Variants in HPSE2 observed in about 807,000 individuals in gnomAD.
HPSE2 encodes the protein inactive heparanase-2.
HPSE2 carries 38 observed loss-of-function variants against 60.5 expected under a neutral mutation model. That is an observed-to-expected ratio of 0.63 (90% CI 0.48 to 0.82). HPSE2 has a LOEUF of 0.82. Ranked by LOEUF, HPSE2 falls within the 40% of genes least tolerant of loss-of-function variation. The pLI, the probability that HPSE2 is intolerant of heterozygous loss-of-function variation, is 0.00. For synonymous variants in HPSE2, 295 were observed against 293.2 expected (o/e 1.01, Z -0.06); for missense variants, 713 against 740.4 (o/e 0.96, Z 0.43).
intron 7 of HPSE2, among the ~76,000 whole-genome samples, chr10:98,624,738 C>T (rs1296384582): frequency 6.6e-6 from 1 of 152,094 alleles, no homozygotes; most frequent in African/African-American, 2.4e-5. Context: ...CACATGTAAG[C>T]TGGAATAATA....
At chr10:98,464,841 T>A (rs1940459395) in intron 11 of HPSE2, among the ~76,000 whole-genome samples, 1 of 152,218 alleles carries the variant, frequency 6.6e-6, no homozygotes, top group Admixed American at 6.5e-5. Context: ...CTTGTGGAGA[T>A]GTTAGATAAG....
chr10:98,708,977 T>C (rs1382389877), intron 5 of HPSE2, among the ~76,000 whole-genome samples: 2 of 152,172 alleles, frequency 1.3e-5, no homozygotes, highest in Non-Finnish European at 1.5e-5. Flanking sequence ...CCATGAACCT[T>C]CCCTGAACGT....
chr10:98,631,947 A>G (rs969099602), intron 7 of HPSE2, among the ~76,000 whole-genome samples: 24 of 152,150 alleles, frequency 1.6e-4, no homozygotes, highest in African/African-American at 5.8e-4. Flanking sequence ...TTATTAACTG[A>G]CTGTGGGGTC....
intron 2 of HPSE2, among the ~76,000 whole-genome samples, chr10:99,200,084 TTAGTG>T (rs1564889222): frequency 6.6e-6 from 1 of 152,118 alleles, no homozygotes; most frequent in Non-Finnish European, 1.5e-5. Flanking sequence ...TAGCTCAATG[TTAGTG>T]TAAAGAAATG....
intron 9 of HPSE2, among the ~76,000 whole-genome samples, chr10:98,579,074 TCAGTGGGAATCTCAGC>T (rs1944718461): frequency 7.3e-6 from 1 of 137,782 alleles, no homozygotes; most frequent in Non-Finnish European, 1.6e-5. Flanking sequence ...AGCTTATATG[TCAGTGGGAATCTCAGC>T]TGCAAAAAAT....
intron 3 of HPSE2, among the ~76,000 whole-genome samples, chr10:99,058,462 C>G (rs1206239342): frequency 3.9e-5 from 6 of 152,150 alleles, no homozygotes; most frequent in Non-Finnish European, 8.8e-5. Flanking sequence ...AAACAGGATT[C>G]CCAGCATGGT....
At chr10:98,722,712 C>T (rs543625592) in intron 4 of HPSE2, among the ~76,000 whole-genome samples, 5 of 152,202 alleles carry the variant, frequency 3.3e-5, no homozygotes, top group South Asian at 4.2e-4. Context: ...TTCCCTGAAA[C>T]GAGCAGCTCC....
intron 2 of HPSE2, among the ~76,000 whole-genome samples, chr10:99,169,717 T>C (rs1024105012): frequency 3.9e-5 from 6 of 152,060 alleles, no homozygotes; most frequent in African/African-American, 1.2e-4. Flanking sequence ...TTGACATTCT[T>C]GGCCTTACCA....
At chr10:98,615,947 T>C (rs1427395784) in intron 8 of HPSE2, among the ~76,000 whole-genome samples, 1 of 152,128 alleles carries the variant, frequency 6.6e-6, no homozygotes, top group Non-Finnish European at 1.5e-5. Context: ...CCCCATCTTC[T>C]CTCACCCTAG....
the HPSE2 span, among the ~76,000 whole-genome samples, chr10:99,285,530 AGGG>A: frequency 3.4e-5 from 1 of 29,650 alleles, no homozygotes; most frequent in Non-Finnish European, 6.1e-5. Context: ...GGGTGGAGGG[AGGG>A]AGGGGAGGAA....
chr10:98,850,995 C>T (rs72836741), intron 3 of HPSE2, among the ~76,000 whole-genome samples: 4,081 of 152,252 alleles, frequency 0.027, 87 homozygotes, highest in Middle Eastern at 0.085. Context: ...GACTCTAAAA[C>T]TTAGGATTTA....
At chr10:99,054,250 G>A (rs1958058558) in intron 3 of HPSE2, among the ~76,000 whole-genome samples, 1 of 152,188 alleles carries the variant, frequency 6.6e-6, no homozygotes, top group Non-Finnish European at 1.5e-5. Flanking sequence ...TCAGATAGCA[G>A]ATATTACAGA....
intron 9 of HPSE2, among the ~76,000 whole-genome samples, chr10:98,509,342 G>C (rs889121958): frequency 2.6e-5 from 4 of 151,410 alleles, no homozygotes; most frequent in Admixed American, 2.0e-4. Context: ...AACAGAAGAA[G>C]AAAAAAAGAG....
At chr10:98,838,341 TATA>T in intron 3 of HPSE2, among the ~76,000 whole-genome samples, 1 of 152,300 alleles carries the variant, frequency 6.6e-6, no homozygotes, top group East Asian at 1.9e-4. Context: ...CTATATTAAA[TATA>T]ATAATAATGT....
intron 9 of HPSE2, among the ~76,000 whole-genome samples, chr10:98,530,022 T>C (rs1943082866): frequency 6.6e-6 from 1 of 152,256 alleles, no homozygotes; most frequent in Non-Finnish European, 1.5e-5. Flanking sequence ...TCATCCCTGC[T>C]GACTCTGGGA....
In HPSE2 at chr10:99,153,214, A is replaced by G. The variant is rs1216140705; in HGVS notation, c.449-8815T>C. Among the ~76,000 whole-genome samples, 7 of 152,306 alleles carry G rather than the reference A, an allele frequency of 4.6e-5. No homozygotes were observed. The East Asian group carries it at 1.4e-3, about 29-fold the overall frequency. ...TTGCCCAGGCTTGCTTAGGTAAACA[A>G]AGCAGCCTGGAAGCTCGAACTGGGT... is the stretch of plus-strand genomic sequence containing the variant. On this transcript the variant is annotated intron_variant, in intron 2 of 11. Coordinates refer to ENST00000370552, the MANE Select transcript of HPSE2 (RefSeq NM_021828.5).
At chr10:98,566,753 C>A (rs183637653) in intron 9 of HPSE2, among the ~76,000 whole-genome samples, 1 of 152,196 alleles carries the variant, frequency 6.6e-6, no homozygotes, top group East Asian at 1.9e-4. Flanking sequence ...GAACTGGGTT[C>A]ATTTCTCCAC....
At chr10:98,679,175 G>GT (rs1291856618) in intron 6 of HPSE2, among the ~76,000 whole-genome samples, 7 of 152,208 alleles carry the variant, frequency 4.6e-5, no homozygotes, top group African/African-American at 1.4e-4. Context: ...TGAGAATGAG[G>GT]GGATGCATGG....
chr10:98,582,794 A>G (rs1282539669), intron 9 of HPSE2, among the ~76,000 whole-genome samples: 1 of 152,228 alleles, frequency 6.6e-6, no homozygotes, highest in Non-Finnish European at 1.5e-5. Context: ...TAGTGTTTAT[A>G]ACCCAATTAG....
Sources: gnomAD v4.1 joint callset for allele counts (sites outside exome capture counted in the v4.1 genomes callset) on GRCh38, gnomAD v4.1.1 for gene constraint, MANE v1.5 for transcripts, NCBI Gene and HGNC (gene_info 2026-07-23, HGNC 2026-07-21) for gene names.